The following NT5C1A variants were observed in gnomAD, a reference collection of about 807,000 sequenced individuals.
NT5C1A encodes the protein 5'-nucleotidase, cytosolic IA.
NT5C1A carries 18 observed loss-of-function variants against 31.0 expected under a neutral mutation model. The observed-to-expected ratio is 0.58, with a 90% CI of 0.40 to 0.86. The LOEUF (loss-of-function observed/expected upper bound fraction) is 0.86. Among genes scored for constraint, NT5C1A ranks in the 40% least tolerant of loss-of-function variants. The pLI, the probability that NT5C1A is intolerant of heterozygous loss-of-function variation, is 0.00. For missense variants in NT5C1A, 470 were observed against 505.4 expected, an observed-to-expected ratio of 0.93 and a Z score of 0.67; for synonymous variants, 185 against 203.6, an observed-to-expected ratio of 0.91 and a Z score of 0.78.
chr1:39,665,397 C>A (rs1021441259), intron 3 of NT5C1A, 124 bp downstream of exon 3: 2 of 869,504 alleles, frequency 2.3e-6, no homozygotes, highest in Non-Finnish European at 3.3e-6. Context: ...GCGAATTTAC[C>A]AGCACACACT....
At position 39,651,762 on chromosome 1, in the gene NT5C1A, GC is replaced by G. The variant is rs1442585799; in HGVS notation, c.*7358del. ...AGAAGTTCGTAGGCCGAGTGTGGTGGCTCACGCCTGTAATCCCAGCACTTTG... is the reference window on the plus strand; with the variant it reads ...AGAAGTTCGTAGGCCGAGTGTGGTGGTCACGCCTGTAATCCCAGCACTTTG... On this transcript the variant is annotated 3_prime_UTR_variant, in exon 6 of 6. Coordinates refer to ENST00000235628, the MANE Select transcript of NT5C1A (RefSeq NM_032526.3). Among the ~76,000 whole-genome samples the G allele has an allele frequency of 2.0e-5, 3 of 152,084 alleles. No individual in the cohort carries two copies. The highest frequency in any genetic ancestry group is 7.2e-5 in the African/African-American group (3 of 41,404).
At position 39,666,080 on chromosome 1, in the gene NT5C1A, G is replaced by A. The variant is rs866315707; in HGVS notation, c.292C>T (p.Pro98Ser). ...AACTGCTCCCTCACCTTCACAAAAGGGAAGGCTGGCCCGGGACTGAAGGGT... is the reference window on the plus strand; with the variant it reads ...AACTGCTCCCTCACCTTCACAAAAGAGAAGGCTGGCCCGGGACTGAAGGGT... ...NEPFSPGPAFPFVKALEAVNR... is the reference protein window; with the variant it reads ...NEPFSPGPAFSFVKALEAVNR... The change falls in exon 2 of 6, where the codon CCT becomes TCT. Residue 98 changes from proline (P) to serine (S), a missense_variant. By Grantham distance (74) the Pro-to-Ser change is moderately conservative (BLOSUM62 -1). Transcript: ENST00000235628. 1.9e-6 allele frequency: 3 copies of A among 1,612,986 alleles called. No individual in the cohort carries two copies. Among genetic ancestry groups the A allele is most frequent in the Non-Finnish European group, 2.5e-6 (3 of 1,179,634 alleles).
chr1:39,665,647 G>C lies in NT5C1A; in HGVS notation c.307C>G (p.Leu103Val), dbSNP rs751799353. 6.2e-7 allele frequency: 1 copy of C among 1,613,100 alleles called. No individual in the cohort carries two copies. The highest frequency in any genetic ancestry group is 1.7e-5 in the Admixed American group (1 of 59,994). Residue 103 changes from leucine (L) to valine (V), a missense_variant, in exon 3 of 6, where the codon CTG (leucine) becomes GTG (valine). Leu to Val is a conservative substitution (Grantham distance 32). Transcript: ENST00000235628. ...CGCAGCCGCCTGTTCACGGCCTCCA[G>C]AGCCTGGAAAGGAGAGGGCACCCCC... Reference protein sequence around the residue: ...PGPAFPFVKALEAVNRRLREL... With the variant: ...PGPAFPFVKAVEAVNRRLREL...
intron 5 of NT5C1A, 65 bp from the exon 6 acceptor site, chr1:39,659,551 C>A: frequency 4.6e-6 from 7 of 1,506,422 alleles, no homozygotes; most frequent in Non-Finnish European, 6.2e-6. Context: ...CCCTGCTCTC[C>A]CTAAAGCACT....
intron 1 of NT5C1A, among the ~76,000 whole-genome samples, chr1:39,669,087 C>T (rs1020434246): frequency 2.0e-5 from 3 of 152,164 alleles, no homozygotes; most frequent in Admixed American, 6.5e-5. Context: ...CAGAAAGAAG[C>T]CCTGATCTCA....
chr1:39,663,335 T>G lies in NT5C1A; in HGVS notation c.533A>C (p.Lys178Thr). Residue 178 changes from lysine to threonine, a missense_variant, in exon 4 of 6, where the codon AAA (lysine) becomes ACA (threonine). Coordinates refer to ENST00000235628, the MANE Select transcript of NT5C1A (RefSeq NM_032526.3). ...TNLYLSADAE[K>T]VREAIDEGIA... ...ACCCTCATCAATGGCTTCTCGCACT[T>G]TTTCCGCATCGGCTGACAAGTAGAG... 1 of 1,614,152 alleles carries G rather than the reference T, an allele frequency of 6.2e-7. No individual in the cohort carries two copies. The highest frequency in any genetic ancestry group is 1.1e-5 in the South Asian group (1 of 91,080).
chr1:39,652,593 G>C lies in NT5C1A; in HGVS notation c.*6528C>G, dbSNP rs920524393. 6.6e-6 allele frequency among the ~76,000 whole-genome samples: 1 copy of C among 152,104 alleles called. No homozygotes were observed. Among genetic ancestry groups the C allele is most frequent in the African/African-American group, 2.4e-5 (1 of 41,404 alleles). ...AGTTAGCTACAAGACTAGCCTTGAG[G>C]CCTTTACCCTAATTCCGTGGCAGAT... is the stretch of plus-strand genomic sequence containing the variant. On this transcript the variant is annotated 3_prime_UTR_variant, in exon 6 of 6. Coordinates refer to ENST00000235628, the MANE Select transcript of NT5C1A (RefSeq NM_032526.3).
At position 39,652,709 on chromosome 1, in the gene NT5C1A, T is replaced by C. The variant is rs1646438580; in HGVS notation, c.*6412A>G. 6.6e-6 allele frequency among the ~76,000 whole-genome samples: 1 copy of C among 152,172 alleles called. No homozygotes were observed. The highest frequency in any genetic ancestry group is 6.5e-5 in the Admixed American group (1 of 15,282). On this transcript the variant is annotated 3_prime_UTR_variant, in exon 6 of 6. Coordinates refer to ENST00000235628, the MANE Select transcript of NT5C1A (RefSeq NM_032526.3). ...GCTTTGGTTTGCCTTACAGAGGCTT[T>C]CACTTTGCAAAGATGAGTAACTGAA...
chr1:39,663,286 T>C lies in NT5C1A; in HGVS notation c.556+26A>G, dbSNP rs557585007. The C allele has an allele frequency of 1.4e-4, 231 of 1,613,922 alleles. No homozygotes were observed. The South Asian group carries it at 2.4e-3, about 17-fold the overall frequency. ...AGGGACCCCTTTGCTGCACTCCCCA[T>C]ATTCTTCCTCTTCACTTAGACTTAC... On this transcript the variant is annotated intron_variant, in intron 4 of 5. Transcript: ENST00000235628.
chr1:39,660,294 A>C (rs1646486600), intron 5 of NT5C1A, among the ~76,000 whole-genome samples: 2 of 152,186 alleles, frequency 1.3e-5, no homozygotes, highest in Non-Finnish European at 1.5e-5. Flanking sequence ...GCTCTTGGAG[A>C]GGGGCTCTGA....
At chr1:39,666,953 T>C (rs1646527093) in intron 1 of NT5C1A, among the ~76,000 whole-genome samples, 1 of 152,232 alleles carries the variant, frequency 6.6e-6, no homozygotes, top group Non-Finnish European at 1.5e-5. Flanking sequence ...CAGGCCATCA[T>C]CATCTGTCAC....
Position 39,657,921 on chromosome 1 carries a change from A to G in NT5C1A, c.*1200T>C, listed in dbSNP as rs1646471716. The stretch of plus-strand genomic sequence containing the variant: ...TCTGTCTCACACCAGACCTCCTGAC[A>G]CTTCCCACTTCACCCCAGGCAGCAC... On this transcript the variant is annotated 3_prime_UTR_variant, in exon 6 of 6. Transcript: ENST00000235628. Among the ~76,000 whole-genome samples, 1 of 152,030 alleles carries G rather than the reference A, an allele frequency of 6.6e-6. No homozygotes were observed. Among genetic ancestry groups the G allele is most frequent in the African/African-American group, 2.4e-5 (1 of 41,378 alleles).
chr1:39,669,625 A>G (rs1473860782), intron 1 of NT5C1A, among the ~76,000 whole-genome samples: 1 of 152,156 alleles, frequency 6.6e-6, no homozygotes, highest in African/African-American at 2.4e-5. Flanking sequence ...GAACCATGAG[A>G]GTCAGGGGCT....
intron 1 of NT5C1A, 26 bp downstream of exon 1, chr1:39,671,878 C>T (rs1388483711): frequency 1.9e-6 from 3 of 1,611,772 alleles, no homozygotes; most frequent in Non-Finnish European, 2.5e-6. Flanking sequence ...TCCCCCGTCC[C>T]CCGCATACCC....
chr1:39,651,751 C>T lies in NT5C1A; in HGVS notation c.*7370G>A, dbSNP rs12132645. Among the ~76,000 whole-genome samples the T allele has an allele frequency of 0.3, 44,982 of 151,860 alleles. 7,145 individuals are homozygous for T. Among genetic ancestry groups the T allele is most frequent in the Middle Eastern group, 0.36 (107 of 294 alleles). The stretch of plus-strand genomic sequence containing the variant: ...TACATTAATAAAGAAGTTCGTAGGC[C>T]GAGTGTGGTGGCTCACGCCTGTAAT... On this transcript the variant is annotated 3_prime_UTR_variant, in exon 6 of 6. Transcript: ENST00000235628.
chr1:39,666,271 A>T, intron 1 of NT5C1A, 35 bp from the exon 2 acceptor site: 2 of 1,604,184 alleles, frequency 1.2e-6, no homozygotes, highest in South Asian at 2.2e-5. Flanking sequence ...TGTCACTCAG[A>T]TGACTGCCCC....
rs1646431872 is a variant in NT5C1A, at chr1:39,651,495, A to G, written c.*7626T>C. Among the ~76,000 whole-genome samples, 1 of 152,240 alleles carries G rather than the reference A, an allele frequency of 6.6e-6. No homozygotes were observed. The highest frequency in any genetic ancestry group is 1.5e-5 in the Non-Finnish European group (1 of 68,046). Reference sequence around the variant, plus strand: ...GACAAGGGAAGTCACAAAGACGAAGAAACACATGCTCTAACCATTTACGGA... The same window carrying G: ...GACAAGGGAAGTCACAAAGACGAAGGAACACATGCTCTAACCATTTACGGA... On this transcript the variant is annotated 3_prime_UTR_variant, in exon 6 of 6. Coordinates refer to ENST00000235628, the MANE Select transcript of NT5C1A (RefSeq NM_032526.3).
intron 3 of NT5C1A, 48 bp from the exon 4 acceptor site, chr1:39,663,482 C>G (rs1236913562): frequency 1.9e-6 from 3 of 1,606,560 alleles, no homozygotes; most frequent in South Asian, 1.1e-5. Flanking sequence ...CAACCCTGGG[C>G]TTCAGGGCAG....
chr1:39,662,694 A>G (rs984555303), intron 4 of NT5C1A, among the ~76,000 whole-genome samples: 1 of 152,142 alleles, frequency 6.6e-6, no homozygotes, highest in Non-Finnish European at 1.5e-5. Flanking sequence ...TTGCTCCTCT[A>G]TGGGCCTGTT....
Sources: gnomAD v4.1 joint callset for allele counts (sites outside exome capture counted in the v4.1 genomes callset) on GRCh38, gnomAD v4.1.1 for gene constraint, MANE v1.5 for transcripts, NCBI Gene and HGNC (gene_info 2026-07-23, HGNC 2026-07-21) for gene names.